Variants in ST8SIA4 observed in about 807,000 individuals in gnomAD.
ST8SIA4 encodes ST8 alpha-N-acetyl-neuraminide alpha-2,8-sialyltransferase 4, also known as CMP-N-acetylneuraminate-poly-alpha-2,8-sialyltransferase.
In ST8SIA4, 15 loss-of-function variants were observed where a neutral mutation model predicts 33.9. The ratio of observed to expected loss-of-function variants is 0.44; its 90% CI spans 0.30 to 0.68. The LOEUF is 0.68. Ranked by LOEUF, ST8SIA4 falls within the 30% of genes least tolerant of loss-of-function variation. The pLI is 0.10. For synonymous variants in ST8SIA4, 171 were observed against 151.2 expected, an observed-to-expected ratio of 1.13 and a Z score of -0.96; for missense variants, 321 against 428.0, an observed-to-expected ratio of 0.75 and a Z score of 2.21.
intron 4 of ST8SIA4, chr5:100,849,426 C>T: frequency 2.0e-6 from 2 of 985,342 alleles, no homozygotes; most frequent in Non-Finnish European, 2.4e-6. Flanking sequence ...TTGTTCAAAT[C>T]CTCTTTAAAA....
At chr5:100,870,201 A>G (rs1315517985) in intron 3 of ST8SIA4, among the ~76,000 whole-genome samples, 4 of 152,136 alleles carry the variant, frequency 2.6e-5, no homozygotes, top group Non-Finnish European at 5.9e-5. Context: ...GCTGCATAGT[A>G]TTGCGTGGTG....
At position 100,903,104 on chromosome 5, in the gene ST8SIA4, T is replaced by C. The variant is rs1752960122; in HGVS notation, c.-149A>G. 6.5e-6 allele frequency: 4 copies of C among 617,878 alleles called. No individual in the cohort carries two copies. Among genetic ancestry groups the C allele is most frequent in the Non-Finnish European group, 1.1e-5 (4 of 350,852 alleles). 38.3% of individuals were successfully genotyped at this position (617,878 alleles called of 1,614,324 possible). A position where few individuals can be genotyped will look rare whatever the true frequency, so the allele number is the denominator to read the frequency against. On this transcript the variant is annotated 5_prime_UTR_variant, in exon 1 of 5. Transcript: ENST00000231461. ...GGATCCCGGGATCAGATCACTGGGG[T>C]CTTCTGTGGCCGAGCTCCCTCTGGT... is the stretch of plus-strand genomic sequence containing the variant.
Position 100,810,829 on chromosome 5 carries a change from T to G in ST8SIA4, c.*1018A>C, listed in dbSNP as rs1447921641. 1 of 152,548 alleles carries G rather than the reference T, an allele frequency of 6.6e-6. No individual in the cohort carries two copies. Among genetic ancestry groups the G allele is most frequent in the African/African-American group, 2.4e-5 (1 of 41,426 alleles). The allele number at this position is 152,548 out of a possible 1,614,324, so 9.4% of individuals were successfully genotyped here. The stretch of plus-strand genomic sequence containing the variant: ...ATAGTGGTTCACTTTAGCTGGTACC[T>G]TCTACACCACTGGAAAATAACATGG... On this transcript the variant is annotated 3_prime_UTR_variant, in exon 5 of 5. Coordinates refer to ENST00000231461, the MANE Select transcript of ST8SIA4 (RefSeq NM_005668.6).
intron 2 of ST8SIA4, among the ~76,000 whole-genome samples, chr5:100,892,253 C>T (rs924176751): frequency 6.6e-6 from 1 of 152,036 alleles, no homozygotes; most frequent in African/African-American, 2.4e-5. Context: ...CATAATCTCC[C>T]GTACGATGTT....
intron 2 of ST8SIA4, among the ~76,000 whole-genome samples, chr5:100,890,176 T>C (rs1752629319): frequency 6.6e-6 from 1 of 151,860 alleles, no homozygotes; most frequent in Non-Finnish European, 1.5e-5. Flanking sequence ...GCTTCATAAT[T>C]TTTGGAAACA....
intron 4 of ST8SIA4, among the ~76,000 whole-genome samples, chr5:100,839,393 C>T (rs1403870147): frequency 6.6e-6 from 1 of 151,912 alleles, no homozygotes; most frequent in Non-Finnish European, 1.5e-5. Flanking sequence ...GATAAATGAA[C>T]TTAAATTTAA....
intron 4 of ST8SIA4, among the ~76,000 whole-genome samples, chr5:100,818,318 A>G (rs1225858192): frequency 6.6e-6 from 1 of 152,214 alleles, no homozygotes; most frequent in African/African-American, 2.4e-5. Context: ...GGTGATTAAC[A>G]GGCCAGTATC....
intron 4 of ST8SIA4, among the ~76,000 whole-genome samples, chr5:100,820,751 G>A (rs922637426): frequency 2.0e-5 from 3 of 152,078 alleles, no homozygotes; most frequent in Non-Finnish European, 2.9e-5. Context: ...TTAAATAATC[G>A]TATGTGGGCT....
chr5:100,900,452 C>A (rs887772862), intron 1 of ST8SIA4: 17 of 456,152 alleles, frequency 3.7e-5, no homozygotes, highest in Non-Finnish European at 4.4e-5. Context: ...GTCAACTCCT[C>A]CACCAGAAGC....
intron 3 of ST8SIA4, among the ~76,000 whole-genome samples, chr5:100,875,339 A>G (rs1328357958): frequency 1.3e-5 from 2 of 152,210 alleles, no homozygotes; most frequent in Admixed American, 6.5e-5. Flanking sequence ...AACGTGACCA[A>G]TGATATCTTC....
chr5:100,853,973 T>G (rs924994397), intron 4 of ST8SIA4, among the ~76,000 whole-genome samples: 1 of 16,998 alleles, frequency 5.9e-5, no homozygotes, highest in Non-Finnish European at 2.1e-4. Context: ...TGGAATGTGT[T>G]TGTGTGTGTG....
At position 100,888,966 on chromosome 5, in the gene ST8SIA4, A is replaced by G. The variant is rs995569448; in HGVS notation, c.246-2366T>C. Among the ~76,000 whole-genome samples the G allele has an allele frequency of 2.6e-5, 4 of 151,902 alleles. No homozygotes were observed. The South Asian group carries it at 6.2e-4, about 24-fold the overall frequency. The stretch of plus-strand genomic sequence containing the variant: ...GTAGAATTTGTACAGAAAATCCTAT[A>G]CAAATGCTCTACAAATGAAATCACA... On this transcript the variant is annotated intron_variant, in intron 2 of 4. Coordinates refer to ENST00000231461, the MANE Select transcript of ST8SIA4 (RefSeq NM_005668.6).
At chr5:100,894,672 C>T (rs1257984239) in intron 2 of ST8SIA4, among the ~76,000 whole-genome samples, 1 of 152,038 alleles carries the variant, frequency 6.6e-6, no homozygotes, top group Non-Finnish European at 1.5e-5. Flanking sequence ...TCTGTGCATA[C>T]TCTAAAGATG....
intron 4 of ST8SIA4, among the ~76,000 whole-genome samples, chr5:100,844,851 G>T (rs540883559): frequency 7.2e-5 from 11 of 152,100 alleles, no homozygotes; most frequent in African/African-American, 2.6e-4. Flanking sequence ...GTTTTTAAAT[G>T]ATTTGGGGGG....
intron 4 of ST8SIA4, among the ~76,000 whole-genome samples, chr5:100,851,886 A>ATTTT (rs1751706463): frequency 1.3e-5 from 2 of 152,120 alleles, no homozygotes; most frequent in African/African-American, 4.8e-5. Flanking sequence ...AACTCTAAGT[A>ATTTT]TTTTATAAAA....
At chr5:100,830,404 TTAAG>T (rs1262369813) in intron 4 of ST8SIA4, among the ~76,000 whole-genome samples, 1 of 152,226 alleles carries the variant, frequency 6.6e-6, no homozygotes, top group Non-Finnish European at 1.5e-5. Context: ...GTAAAGTGCT[TTAAG>T]TAATGCCTAG....
At chr5:100,901,598 T>A (rs1752915861) in intron 1 of ST8SIA4, among the ~76,000 whole-genome samples, 1 of 152,306 alleles carries the variant, frequency 6.6e-6, no homozygotes, top group Non-Finnish European at 1.5e-5. Flanking sequence ...CCCCTCAGAA[T>A]AGACCATGTA....
intron 4 of ST8SIA4, among the ~76,000 whole-genome samples, chr5:100,841,925 A>G (rs1325156095): frequency 6.6e-6 from 1 of 151,800 alleles, no homozygotes; most frequent in African/African-American, 2.4e-5. Flanking sequence ...CTTGTTGGCT[A>G]CCAAGCTGGT....
intron 4 of ST8SIA4, among the ~76,000 whole-genome samples, chr5:100,839,515 A>T (rs550587661): frequency 6.6e-6 from 1 of 152,014 alleles, no homozygotes; most frequent in African/African-American, 2.4e-5. Flanking sequence ...CAAAGTTTGA[A>T]CTATAAATCC....
Sources: allele counts gnomAD v4.1 joint callset (sites outside exome capture counted in the v4.1 genomes callset), GRCh38; gene constraint gnomAD v4.1.1; transcripts MANE v1.5; gene names NCBI Gene and HGNC (gene_info 2026-07-23, HGNC 2026-07-21).